The following FADS1 variants were observed in gnomAD, a reference collection of about 807,000 sequenced individuals.
FADS1 encodes fatty acid desaturase 1, also known as acyl-CoA (8-3)-desaturase.
In FADS1, 17 loss-of-function variants were observed where a neutral mutation model predicts 61.6. The ratio of observed to expected loss-of-function variants is 0.28; its 90% CI spans 0.19 to 0.41. The LOEUF is 0.41. Among genes scored for constraint, FADS1 ranks in the 10% least tolerant of loss-of-function variants. The pLI is 1.00. For synonymous variants in FADS1, 238 were observed against 258.7 expected, an observed-to-expected ratio of 0.92 and a Z score of 0.77; for missense variants, 387 against 650.9, an observed-to-expected ratio of 0.59 and a Z score of 4.41.
intron 1 of FADS1, chr11:61,814,392 T>C (rs1156354800): frequency 3.3e-5 from 5 of 152,428 alleles, no homozygotes; most frequent in African/African-American, 1.2e-4. Flanking sequence ...CCTGGGTGTG[T>C]CCACAGACAG....
Position 61,816,096 on chromosome 11 carries a change from G to T in FADS1, c.375+459C>A. 1 of 626,790 alleles carries T rather than the reference G, an allele frequency of 1.6e-6. No homozygotes were observed. Among genetic ancestry groups the T allele is most frequent in the South Asian group, 2.0e-5 (1 of 50,652 alleles). The allele number at this position is 626,790 out of a possible 1,614,324, so 38.8% of individuals were successfully genotyped here. ...CTCTCCGCTCCTGCTGGCGAGTGGA[G>T]ACCGGCACCTAGGTCCAGACGCGGC... is the stretch of plus-strand genomic sequence containing the variant. On this transcript the variant is annotated intron_variant, in intron 1 of 11. Coordinates refer to ENST00000350997, the MANE Select transcript of FADS1 (RefSeq NM_013402.7). This position sits in a 1 kb window ranked among gnomAD's most constrained non-coding sequence, Gnocchi z 7.0.
At chr11:61,805,607 T>C (rs1204281748) in intron 6 of FADS1, 1 of 152,130 alleles carries the variant, frequency 6.6e-6, no homozygotes, top group Non-Finnish European at 1.5e-5. Context: ...CTATTCGTGA[T>C]AGTTGGTGAT....
chr11:61,815,445 G>C lies in FADS1; in HGVS notation c.375+1110C>G, dbSNP rs1333067547. The C allele has an allele frequency of 6.6e-6, 1 of 152,334 alleles. No individual in the cohort carries two copies. Among genetic ancestry groups the C allele is most frequent in the African/African-American group, 2.4e-5 (1 of 41,460 alleles). 9.4% of individuals were successfully genotyped at this position (152,334 alleles called of 1,614,324 possible). The stretch of plus-strand genomic sequence containing the variant: ...CCCCGCAGCGTCTAAGCTCTGCTGC[G>C]ACGTTATGGGAACCTGGTGACCCGC... On this transcript the variant is annotated intron_variant, in intron 1 of 11. Transcript: ENST00000350997. The surrounding 1 kb of genome is among the most constrained non-coding windows in gnomAD (Gnocchi z 6.4).
rs546580472 is a variant in FADS1 at position 61,806,680 on chromosome 11, G to A, written c.960C>T (p.His320=). The A allele has an allele frequency of 7.0e-5, 113 of 1,614,112 alleles. 2 individuals are homozygous for A. In the South Asian group the frequency reaches 1.2e-3, roughly 17 times the overall value. Reference sequence around the variant, plus strand: ...GACACTCACTTAGGAAGAAGTATTTGTGCTGGTGGTTGTACGGCATATATT... The same window carrying A: ...GACACTCACTTAGGAAGAAGTATTTATGCTGGTGGTTGTACGGCATATATT... ...KKKYMPYNHQ[H]KYFFLIGPPA... is the part of the protein sequence containing the mutation. The change falls in exon 6 of 12, where the codon CAC becomes CAT. Residue 320 remains histidine (H), a synonymous_variant. Coordinates refer to ENST00000350997, the MANE Select transcript of FADS1 (RefSeq NM_013402.7).
chr11:61,805,097 T>C (rs1434582534), intron 6 of FADS1: 1 of 451,692 alleles, frequency 2.2e-6, no homozygotes, highest in African/African-American at 2.0e-5. Context: ...TTCATTTTTC[T>C]TCTCTTTTCT....
At chr11:61,804,411 T>G in intron 7 of FADS1, 1 of 423,168 alleles carries the variant, frequency 2.4e-6, no homozygotes, top group Non-Finnish European at 4.2e-6. Flanking sequence ...CTCTCATTCA[T>G]CTTCCCCATT....
chr11:61,813,955 A>C (rs2066951267), intron 1 of FADS1, among the ~76,000 whole-genome samples: 1 of 135,650 alleles, frequency 7.4e-6, no homozygotes. Context: ...GGCGACAGGG[A>C]GACTCCGTCT....
rs537676548 is a variant in FADS1, at chr11:61,816,893, A to T, written c.37T>A (p.Cys13Ser). 1.0e-3 allele frequency: 1,496 copies of T among 1,435,088 alleles called. 9 individuals carry two copies. In the African/African-American group the frequency reaches 0.021, roughly 20 times the overall value. 88.9% of individuals were successfully genotyped at this position (1,435,088 alleles called of 1,614,324 possible). ...TRAARPAGLP[C>S]GAENPARRRL... is the part of the protein sequence containing the mutation. ...CTGCGCGCCGGGTTTTCAGCACCGC[A>T]GGGCAGACCGGCGGGCCTCGCAGCG... Residue 13 changes from cysteine (C) to serine (S), a missense_variant, in exon 1 of 12, where the codon TGC becomes AGC. Physicochemically the swap from Cys to Ser is moderately radical, Grantham distance 112 (BLOSUM62 -1). This residue lies in a region of FADS1 where 130 missense variants were observed against 117.7 expected (regional missense o/e 1.10). Transcript: ENST00000350997. This position sits in a 1 kb window ranked among gnomAD's most constrained non-coding sequence, Gnocchi z 7.0.
intron 5 of FADS1, among the ~76,000 whole-genome samples, chr11:61,810,253 G>A (rs2066921742): frequency 6.6e-6 from 1 of 152,218 alleles, no homozygotes; most frequent in Non-Finnish European, 1.5e-5. Context: ...GATCAGCAGG[G>A]TGGGAAGAAG....
Position 61,800,861 on chromosome 11 carries a change from A to G in FADS1, c.*1550T>C, listed in dbSNP as rs2066851550. ...TAGGAGGCTCCTGAGTCATATTCCT[A>G]TGTTTGCTCTCTGGAGAGATGGGCT... On this transcript the variant is annotated 3_prime_UTR_variant, in exon 12 of 12. Coordinates refer to ENST00000350997, the MANE Select transcript of FADS1 (RefSeq NM_013402.7). 6.6e-6 allele frequency: 1 copy of G among 152,314 alleles called. No homozygotes were observed. 9.4% of individuals were successfully genotyped at this position (152,314 alleles called of 1,614,324 possible). A position where few individuals can be genotyped will look rare whatever the true frequency, so the allele number is the denominator to read the frequency against.
In FADS1 at chr11:61,816,902, C is replaced by G. The variant is rs1044912550; in HGVS notation, c.28G>C (p.Gly10Arg). ...GGGTTTTCAGCACCGCAGGGCAGACCGGCGGGCCTCGCAGCGCGCGTTCCC... is the reference window on the plus strand; with the variant it reads ...GGGTTTTCAGCACCGCAGGGCAGACGGGCGGGCCTCGCAGCGCGCGTTCCC... MGTRAARPA[G>R]LPCGAENPAR... is the part of the protein sequence containing the mutation. The change falls in exon 1 of 12, where the codon GGT becomes CGT. Residue 10 changes from glycine (G) to arginine (R), a missense_variant. Physicochemically the swap from Gly to Arg is moderately radical, Grantham distance 125. This residue lies in a region of FADS1 where 130 missense variants were observed against 117.7 expected (regional missense o/e 1.10). Transcript: ENST00000350997. This position sits in a 1 kb window ranked among gnomAD's most constrained non-coding sequence, Gnocchi z 7.0. 8 of 1,415,816 alleles carry G rather than the reference C, an allele frequency of 5.7e-6. No individual in the cohort carries two copies. The highest frequency in any genetic ancestry group is 2.5e-4 in the Middle Eastern group (1 of 3,968). The allele number at this position is 1,415,816 out of a possible 1,614,324, so 87.7% of individuals were successfully genotyped here.
At chr11:61,806,399 A>G (rs576745515) in intron 6 of FADS1, 2 of 508,422 alleles carry the variant, frequency 3.9e-6, no homozygotes, top group South Asian at 5.4e-5. Context: ...AGGCCCCTCT[A>G]CACCCCAAAC....
Position 61,802,575 on chromosome 11 carries a change from A to G in FADS1, c.1455-113T>C. The G allele has an allele frequency of 1.6e-6, 2 of 1,263,178 alleles. No homozygotes were observed. The highest frequency in any genetic ancestry group is 2.2e-6 in the Non-Finnish European group (2 of 889,318). The allele number at this position is 1,263,178 out of a possible 1,614,324, so 78.2% of individuals were successfully genotyped here. ...CCATCTGGAGGTTTTCCTCCCCTCTACTTTAGAGAAAGCTAGCTTGGGCCA... is the reference window on the plus strand; with the variant it reads ...CCATCTGGAGGTTTTCCTCCCCTCTGCTTTAGAGAAAGCTAGCTTGGGCCA... On this transcript the variant is annotated intron_variant, in intron 11 of 11. Coordinates refer to ENST00000350997, the MANE Select transcript of FADS1 (RefSeq NM_013402.7). This position sits in a 1 kb window ranked among gnomAD's most constrained non-coding sequence, Gnocchi z 4.2.
In FADS1 at chr11:61,815,301, G is replaced by T; in HGVS notation, c.375+1254C>A. ...TGCCTGTTTCGTCTGCGCATGCGCC[G>T]GGACACGCCTGCGCCCTTGGCCGCA... On this transcript the variant is annotated intron_variant, in intron 1 of 11. Coordinates refer to ENST00000350997, the MANE Select transcript of FADS1 (RefSeq NM_013402.7). This position sits in a 1 kb window ranked among gnomAD's most constrained non-coding sequence, Gnocchi z 6.4. 1.2e-5 allele frequency: 2 copies of T among 163,014 alleles called. No homozygotes were observed. The highest frequency in any genetic ancestry group is 7.0e-4 in the Middle Eastern group (1 of 1,430). 10.1% of individuals were successfully genotyped at this position (163,014 alleles called of 1,614,324 possible).
rs1202115225 is a variant in FADS1 at position 61,803,944 on chromosome 11, AT to A, written c.1054-178del. ...GCCACTGCTCCTTTCTTCCATTCCC[AT>A]TGGCACCCCCCAGCCCTTCTTGCAT... is the stretch of plus-strand genomic sequence containing the variant. On this transcript the variant is annotated intron_variant, in intron 7 of 11. Transcript: ENST00000350997. The surrounding 1 kb of genome is among the most constrained non-coding windows in gnomAD (Gnocchi z 4.3). 1.6e-6 allele frequency: 1 copy of A among 609,636 alleles called. No homozygotes were observed. Among genetic ancestry groups the A allele is most frequent in the Non-Finnish European group, 2.9e-6 (1 of 341,266 alleles). 37.8% of individuals were successfully genotyped at this position (609,636 alleles called of 1,614,324 possible).
chr11:61,816,962 C>T lies in FADS1; in HGVS notation c.-33G>A, dbSNP rs2066991725. On this transcript the variant is annotated 5_prime_UTR_variant, in exon 1 of 12. Coordinates refer to ENST00000350997, the MANE Select transcript of FADS1 (RefSeq NM_013402.7). This position sits in a 1 kb window ranked among gnomAD's most constrained non-coding sequence, Gnocchi z 7.0. ...GCCTCGTGGCGCGGGGAGCGAGATC[C>T]CGTCCCCCGGTGGGTCTTGGGCAAC... The T allele has an allele frequency of 2.9e-6, 4 of 1,372,858 alleles. No homozygotes were observed. The highest frequency in any genetic ancestry group is 1.5e-5 in the African/African-American group (1 of 65,342). The allele number at this position is 1,372,858 out of a possible 1,614,324, so 85.0% of individuals were successfully genotyped here. A position where few individuals can be genotyped will look rare whatever the true frequency, so the allele number is the denominator to read the frequency against.
intron 5 of FADS1, among the ~76,000 whole-genome samples, chr11:61,810,341 G>A (rs1037414507): frequency 1.3e-5 from 2 of 152,192 alleles, no homozygotes; most frequent in African/African-American, 4.8e-5. Context: ...AGAAGACTGT[G>A]ACAAGAAGGA....
At chr11:61,813,163 C>T (rs174556) in intron 2 of FADS1, 80 bp downstream of exon 2, 254,189 of 848,108 alleles carry the variant, frequency 0.3, 45,156 homozygotes, top group Admixed American at 0.58. Flanking sequence ...TGACTGTGAT[C>T]CCATCTAGAC....
intron 3 of FADS1, among the ~76,000 whole-genome samples, chr11:61,812,267 G>A (rs935844417): frequency 6.6e-6 from 1 of 152,210 alleles, no homozygotes; most frequent in Non-Finnish European, 1.5e-5. Flanking sequence ...AGCTAAAAAG[G>A]CAGTGAGAGA....
Sources: gnomAD v4.1 joint callset for allele counts (sites outside exome capture counted in the v4.1 genomes callset) on GRCh38, gnomAD v4.1.1 for gene constraint, gnomAD v4.1.1 regional missense constraint, Gnocchi (gnomAD v3.1) non-coding constraint, MANE v1.5 for transcripts, NCBI Gene and HGNC (gene_info 2026-07-23, HGNC 2026-07-21) for gene names.